TMEM209: variants seen among roughly 807,000 people sequenced by gnomAD.
The protein encoded by TMEM209 is transmembrane protein 209.
In TMEM209, 65 loss-of-function variants were observed where a neutral mutation model predicts 76.2. That is an observed-to-expected ratio of 0.85 (90% CI 0.70 to 1.05). The LOEUF is 1.05. Among genes scored for constraint, TMEM209 ranks in the 50% least tolerant of loss-of-function variants. TMEM209 has a pLI of 0.00. For synonymous variants in TMEM209, 239 were observed against 237.6 expected (o/e 1.01, Z -0.06); for missense variants, 623 against 685.5 (o/e 0.91, Z 1.02).
intron 10 of TMEM209, 105 bp from the exon 11 acceptor site, chr7:130,175,714 T>C (rs1797213804): frequency 1.2e-6 from 1 of 834,852 alleles, no homozygotes. Context: ...TTAAAAAACT[T>C]GATCAAAACA....
At chr7:130,176,410 C>T (rs1270776397) in intron 10 of TMEM209, among the ~76,000 whole-genome samples, 1 of 152,036 alleles carries the variant, frequency 6.6e-6, no homozygotes, top group Non-Finnish European at 1.5e-5. Context: ...CGTGAGCCAC[C>T]GTGCCCAGCC....
At chr7:130,202,146 G>A (rs915067044) in intron 4 of TMEM209, 55 bp from the exon 5 acceptor site, 49 of 1,535,686 alleles carry the variant, frequency 3.2e-5, no homozygotes, top group East Asian at 4.5e-5. Flanking sequence ...AAAATTATAC[G>A]AAAATATATT....
chr7:130,185,072 TG>T, intron 7 of TMEM209, 119 bp downstream of exon 7: 1 of 1,205,398 alleles, frequency 8.3e-7, no homozygotes, highest in Non-Finnish European at 1.1e-6. Context: ...GCCTAATGTG[TG>T]CCAGATTTAC....
chr7:130,202,694 G>T (rs533331615), intron 3 of TMEM209, 31 bp from the exon 4 acceptor site: 10 of 1,598,456 alleles, frequency 6.3e-6, no homozygotes, highest in South Asian at 1.1e-5. Flanking sequence ...TTTAATAAGG[G>T]GGGTGAGGAG....
In TMEM209 at chr7:130,203,760, T is replaced by G. The variant is rs752753803; in HGVS notation, c.199+28A>C. ...GAAGGCAGTTTTTTATTGGTAAATG[T>G]AAGTTACAGTGAAAATTACTTACTT... On this transcript the variant is annotated intron_variant, in intron 3 of 14. Transcript: ENST00000397622. The G allele has an allele frequency of 5.1e-6, 8 of 1,569,142 alleles. No homozygotes were observed. In the African/African-American group the frequency reaches 8.1e-5, roughly 16 times the overall value.
intron 6 of TMEM209, among the ~76,000 whole-genome samples, chr7:130,188,520 C>T (rs1354196813): frequency 2.8e-5 from 4 of 145,328 alleles, no homozygotes; most frequent in Non-Finnish European, 4.5e-5. Flanking sequence ...GGCATGAACC[C>T]GGGAGGCGGA....
At chr7:130,189,091 A>T (rs1439418527) in intron 6 of TMEM209, among the ~76,000 whole-genome samples, 3 of 152,218 alleles carry the variant, frequency 2.0e-5, no homozygotes, top group Non-Finnish European at 1.5e-5. Flanking sequence ...CTGCATCAAT[A>T]AAAGAAAAAA....
Position 130,199,342 on chromosome 7 carries a change from C to T in TMEM209, c.573+2508G>A, listed in dbSNP as rs191640696. The stretch of plus-strand genomic sequence containing the variant: ...ACGCCATTCTCCTGCCTCAGCCTCC[C>T]GAGTAGCTGCGACTACAGGCGCCCG... On this transcript the variant is annotated intron_variant, in intron 5 of 14. Coordinates refer to ENST00000397622, the MANE Select transcript of TMEM209 (RefSeq NM_032842.4). Among the ~76,000 whole-genome samples the T allele has an allele frequency of 3.7e-3, 560 of 152,150 alleles. 4 individuals carry two copies. Among genetic ancestry groups the T allele is most frequent in the African/African-American group, 0.013 (541 of 41,518 alleles).
At chr7:130,204,684 A>T (rs527648167) in intron 1 of TMEM209, among the ~76,000 whole-genome samples, 5 of 152,322 alleles carry the variant, frequency 3.3e-5, no homozygotes, top group African/African-American at 1.2e-4. Flanking sequence ...AATACATAAA[A>T]ATGTCTTATT....
At position 130,185,379 on chromosome 7, in the gene TMEM209, A is replaced by C. The variant is rs1298124041; in HGVS notation, c.776-12T>G. On this transcript the variant is annotated splice_polypyrimidine_tract_variant and intron_variant, in intron 6 of 14. Transcript: ENST00000397622. ...AGAATCTGGGCTCCCTACAATTGTTAAGATAAACAGTATCAGTGTGTTGTA... is the reference window on the plus strand; with the variant it reads ...AGAATCTGGGCTCCCTACAATTGTTCAGATAAACAGTATCAGTGTGTTGTA... 2 of 1,611,756 alleles carry C rather than the reference A, an allele frequency of 1.2e-6. No individual in the cohort carries two copies. The highest frequency in any genetic ancestry group is 1.7e-6 in the Non-Finnish European group (2 of 1,178,418).
chr7:130,187,140 G>A (rs1797626893), intron 6 of TMEM209, among the ~76,000 whole-genome samples: 1 of 151,862 alleles, frequency 6.6e-6, no homozygotes. Flanking sequence ...CTACTCAGGA[G>A]GCTAAGGCAG....
chr7:130,192,322 C>T (rs1797824782), intron 6 of TMEM209: 1 of 339,330 alleles, frequency 2.9e-6, no homozygotes, highest in Non-Finnish European at 5.6e-6. Flanking sequence ...AGTAAGTTCA[C>T]TACGCACTGC....
intron 14 of TMEM209, 111 bp from the exon 15 acceptor site, chr7:130,166,616 A>C: frequency 1.7e-6 from 1 of 589,744 alleles, no homozygotes; most frequent in Non-Finnish European, 2.8e-6. Flanking sequence ...ATTTAATGTG[A>C]TTCTGCAATG....
chr7:130,171,842 A>C (rs1480858553), intron 13 of TMEM209, among the ~76,000 whole-genome samples: 1 of 152,154 alleles, frequency 6.6e-6, no homozygotes, highest in Non-Finnish European at 1.5e-5. Context: ...ATCCTGGCTA[A>C]CACAGTAAAA....
chr7:130,190,487 C>A (rs553265883), intron 6 of TMEM209, among the ~76,000 whole-genome samples: 8 of 150,588 alleles, frequency 5.3e-5, no homozygotes, highest in African/African-American at 1.5e-4. Flanking sequence ...CACTGCACTC[C>A]AGCCTGGGCG....
rs756146503 is a variant in TMEM209, at chr7:130,205,377, T to A, written c.-2A>T. The A allele has an allele frequency of 6.2e-7, 1 of 1,613,738 alleles. No homozygotes were observed. Among genetic ancestry groups the A allele is most frequent in the Admixed American group, 1.7e-5 (1 of 60,004 alleles). On this transcript the variant is annotated 5_prime_UTR_variant, in exon 1 of 15. Coordinates refer to ENST00000397622, the MANE Select transcript of TMEM209 (RefSeq NM_032842.4). ...AACACGACCCCGAAAACGCACCATG[T>A]CCTCTGGCCGGAAAACGCAGGCTCG... is the stretch of plus-strand genomic sequence containing the variant.
At chr7:130,188,767 T>A (rs1353896559) in intron 6 of TMEM209, among the ~76,000 whole-genome samples, 2 of 152,034 alleles carry the variant, frequency 1.3e-5, no homozygotes, top group African/African-American at 4.8e-5. Context: ...AACCAAGTGA[T>A]CCTATTTTAT....
chr7:130,192,366 T>C (rs375628898), intron 6 of TMEM209: 68 of 427,430 alleles, frequency 1.6e-4, no homozygotes, highest in African/African-American at 1.1e-3. Flanking sequence ...CAACTTTAAA[T>C]AGAAATTGTA....
intron 10 of TMEM209, 116 bp from the exon 11 acceptor site, chr7:130,175,725 C>T (rs1212268124): frequency 1.4e-6 from 1 of 738,006 alleles, no homozygotes; most frequent in East Asian, 2.8e-5. Context: ...GATCAAAACA[C>T]CCAAACCTAA....
Sources: gnomAD v4.1 joint callset for allele counts (sites outside exome capture counted in the v4.1 genomes callset) on GRCh38, gnomAD v4.1.1 for gene constraint, MANE v1.5 for transcripts, NCBI Gene and HGNC (gene_info 2026-07-23, HGNC 2026-07-21) for gene names.